The following CNOT4 variants were observed in gnomAD, a reference collection of about 807,000 sequenced individuals.
The protein encoded by CNOT4 is CCR4-NOT transcription complex subunit 4, also known as CCR4-associated factor 4.
CNOT4 carries 8 observed loss-of-function variants against 73.8 expected under a neutral mutation model. The ratio of observed to expected loss-of-function variants is 0.11; its 90% CI spans 0.06 to 0.20. The LOEUF is 0.20. Ranked by LOEUF, CNOT4 falls within the 10% of genes least tolerant of loss-of-function variation. The pLI, the probability that CNOT4 is intolerant of heterozygous loss-of-function variation, is 1.00. For missense variants in CNOT4, 564 were observed against 883.4 expected (o/e 0.64, Z 4.58); for synonymous variants, 293 against 321.1 (o/e 0.91, Z 0.94).
At chr7:135,492,924 G>C (rs1803211305) in intron 1 of CNOT4, among the ~76,000 whole-genome samples, 2 of 152,166 alleles carry the variant, frequency 1.3e-5, no homozygotes, top group South Asian at 4.1e-4. Flanking sequence ...AATTAAAAGA[G>C]ACTTAGTGTT....
intron 10 of CNOT4, among the ~76,000 whole-genome samples, chr7:135,375,259 A>G (rs925928380): frequency 1.4e-4 from 22 of 152,232 alleles, no homozygotes; most frequent in Non-Finnish European, 1.5e-4. Flanking sequence ...AGAGAACTCA[A>G]AATCATGTTA....
chr7:135,388,694 G>T, intron 10 of CNOT4: 1 of 1,470,082 alleles, frequency 6.8e-7, no homozygotes. Context: ...TGGCTCTTCT[G>T]GGTGTATACA....
At chr7:135,475,672 G>A (rs887207115) in intron 1 of CNOT4, among the ~76,000 whole-genome samples, 1 of 152,194 alleles carries the variant, frequency 6.6e-6, no homozygotes, top group Admixed American at 6.5e-5. Flanking sequence ...CACTTTGGGA[G>A]GCCAAGGCAG....
intron 1 of CNOT4, chr7:135,444,926 G>T (rs1246175400): frequency 6.3e-7 from 1 of 1,593,672 alleles, no homozygotes; most frequent in South Asian, 1.1e-5. Flanking sequence ...TGCTGTGGAA[G>T]CTCTGACCTT....
chr7:135,428,094 G>A (rs1302156783), intron 2 of CNOT4, among the ~76,000 whole-genome samples: 3 of 152,156 alleles, frequency 2.0e-5, no homozygotes, highest in Non-Finnish European at 4.4e-5. Flanking sequence ...GAAAAAGTAG[G>A]TAGGGGAAAA....
At chr7:135,502,239 C>T (rs940292113) in intron 1 of CNOT4, among the ~76,000 whole-genome samples, 8 of 152,160 alleles carry the variant, frequency 5.3e-5, no homozygotes, top group Admixed American at 1.3e-4. Context: ...CTATATAGAA[C>T]GTACATAATG....
intron 2 of CNOT4, among the ~76,000 whole-genome samples, chr7:135,436,007 A>G (rs1330121628): frequency 6.7e-6 from 1 of 148,656 alleles, no homozygotes; most frequent in Non-Finnish European, 1.5e-5. Flanking sequence ...ATCCTGAAGC[A>G]CTCCCATTCC....
At chr7:135,383,768 A>T (rs1468876357) in intron 10 of CNOT4, among the ~76,000 whole-genome samples, 2 of 152,172 alleles carry the variant, frequency 1.3e-5, no homozygotes, top group Non-Finnish European at 2.9e-5. Context: ...TAGCAACACT[A>T]ACATGTTCTT....
At chr7:135,418,625 C>T (rs1235662996) in intron 3 of CNOT4, among the ~76,000 whole-genome samples, 5 of 152,166 alleles carry the variant, frequency 3.3e-5, no homozygotes, top group Admixed American at 6.5e-5. Context: ...TGTAAGACCA[C>T]GGACAAGTCA....
intron 1 of CNOT4, among the ~76,000 whole-genome samples, chr7:135,496,395 C>A (rs1803587145): frequency 6.6e-6 from 1 of 152,092 alleles, no homozygotes. Context: ...GCCAGGCCAA[C>A]TGAATAGTCT....
At chr7:135,437,580 T>C (rs1044737939) in intron 2 of CNOT4, among the ~76,000 whole-genome samples, 1 of 152,218 alleles carries the variant, frequency 6.6e-6, no homozygotes, top group African/African-American at 2.4e-5. Flanking sequence ...TACTCACAAG[T>C]TGATGACTCT....
chr7:135,463,844 A>G (rs1801042561), intron 1 of CNOT4, among the ~76,000 whole-genome samples: 1 of 152,054 alleles, frequency 6.6e-6, no homozygotes, highest in South Asian at 2.1e-4. Flanking sequence ...AGAGAAAAAC[A>G]AACAATCTCA....
At chr7:135,387,870 C>G in intron 10 of CNOT4, 3 of 969,856 alleles carry the variant, frequency 3.1e-6, no homozygotes, top group Non-Finnish European at 3.7e-6. Context: ...CCAATCTCTT[C>G]TCTTCTGCCT....
chr7:135,380,309 ATG>A (rs1236636271), intron 10 of CNOT4, among the ~76,000 whole-genome samples: 1 of 152,260 alleles, frequency 6.6e-6, no homozygotes, highest in African/African-American at 2.4e-5. Flanking sequence ...TCTAGTGGTT[ATG>A]TGTGTTGTCC....
chr7:135,365,504 A>G lies in CNOT4; in HGVS notation c.1628-1438T>C, dbSNP rs535058597. Among the ~76,000 whole-genome samples the G allele has an allele frequency of 7.5e-5, 8 of 107,376 alleles. No individual in the cohort carries two copies. The South Asian group carries it at 2.2e-3, about 30-fold the overall frequency. The allele number at this position is 107,376 out of a possible 152,430, so 70.4% of individuals were successfully genotyped here. On this transcript the variant is annotated intron_variant, in intron 10 of 11. Transcript: ENST00000541284. ...CAACAGCCCTGAGAGGCAGGCAGAC[A>G]AGGATAATCTGCATTTACTAGATAA...
chr7:135,458,629 T>G (rs1800692516), intron 1 of CNOT4, among the ~76,000 whole-genome samples: 1 of 152,110 alleles, frequency 6.6e-6, no homozygotes, highest in African/African-American at 2.4e-5. Context: ...AATCCTTTGT[T>G]GTCATTTCAA....
At chr7:135,464,882 T>C (rs940745768) in intron 1 of CNOT4, among the ~76,000 whole-genome samples, 7 of 152,146 alleles carry the variant, frequency 4.6e-5, no homozygotes, top group Non-Finnish European at 8.8e-5. Context: ...TTTTAGTGTT[T>C]AGTAATGACC....
chr7:135,427,788 C>T (rs1419035918), intron 2 of CNOT4, among the ~76,000 whole-genome samples: 1 of 152,010 alleles, frequency 6.6e-6, no homozygotes, highest in East Asian at 1.9e-4. Context: ...TACTAACATC[C>T]TAAAAATCTA....
chr7:135,388,313 A>G (rs1421806742), intron 10 of CNOT4: 1 of 985,052 alleles, frequency 1.0e-6, no homozygotes, highest in Non-Finnish European at 1.2e-6. Flanking sequence ...TGAGCATTAA[A>G]TGACACCACC....
Sources: allele counts gnomAD v4.1 joint callset (sites outside exome capture counted in the v4.1 genomes callset), GRCh38; gene constraint gnomAD v4.1.1; transcripts MANE v1.5; gene names NCBI Gene and HGNC (gene_info 2026-07-23, HGNC 2026-07-21).